The following RSPH1 variants were observed in gnomAD, a reference collection of about 807,000 sequenced individuals.
RSPH1 encodes radial spoke head component 1.
Under a neutral mutation model 44.2 loss-of-function variants are expected in RSPH1, and 32 were observed. The ratio of observed to expected loss-of-function variants is 0.72; its 90% CI spans 0.55 to 0.97. The LOEUF (loss-of-function observed/expected upper bound fraction) is 0.97. Ranked by LOEUF, RSPH1 falls within the 50% of genes least tolerant of loss-of-function variation. The probability of loss-of-function intolerance (pLI) is 0.00; values close to 1 mark genes in which losing one functional copy is unlikely to be tolerated. For missense variants in RSPH1, 391 were observed against 398.7 expected (o/e 0.98, Z 0.16); for synonymous variants, 134 against 147.3 (o/e 0.91, Z 0.65).
intron 4 of RSPH1, chr21:42,486,037 G>A: frequency 1.7e-6 from 1 of 602,716 alleles, no homozygotes. Context: ...AGCCTCCTGT[G>A]TGTCAGCTGC....
intron 3 of RSPH1, among the ~76,000 whole-genome samples, chr21:42,490,842 T>C (rs2054228570): frequency 9.8e-6 from 1 of 102,190 alleles, no homozygotes; most frequent in East Asian, 2.8e-4. Context: ...GGATAGAACC[T>C]CCAGCCCCAC....
rs566512676 is a variant in RSPH1 at position 42,474,011 on chromosome 21, A to C, written c.878-1141T>G. 6.6e-6 allele frequency among the ~76,000 whole-genome samples: 1 copy of C among 152,212 alleles called. No individual in the cohort carries two copies. Among genetic ancestry groups the C allele is most frequent in the African/African-American group, 2.4e-5 (1 of 41,536 alleles). ...TACTGGGCATCGTCCACTCGGCCCC[A>C]TCTCTCCCAGTCCGGTTTTCAGGAT... On this transcript the variant is annotated intron_variant, in intron 8 of 8. Transcript: ENST00000291536. This position sits in a 1 kb window ranked among gnomAD's most constrained non-coding sequence, Gnocchi z 5.2.
chr21:42,483,858 T>C (rs1022963131), intron 5 of RSPH1, among the ~76,000 whole-genome samples: 1 of 152,186 alleles, frequency 6.6e-6, no homozygotes, highest in Non-Finnish European at 1.5e-5. Context: ...TCCTCCCAAA[T>C]AATTGTCAAG....
intron 3 of RSPH1, among the ~76,000 whole-genome samples, 195 bp from the exon 4 acceptor site, chr21:42,486,656 T>C (rs1334550722): frequency 1.3e-5 from 2 of 152,202 alleles, no homozygotes; most frequent in Non-Finnish European, 2.9e-5. Flanking sequence ...GGCTGCTATC[T>C]GTTTCCACTC....
At chr21:42,488,545 G>A (rs2146658444) in intron 3 of RSPH1, among the ~76,000 whole-genome samples, 1 of 152,294 alleles carries the variant, frequency 6.6e-6, no homozygotes, top group African/African-American at 2.4e-5. Flanking sequence ...CATGTCAGAG[G>A]ATCTCCAGGG....
chr21:42,493,447 C>T (rs956438639), intron 1 of RSPH1, among the ~76,000 whole-genome samples: 6 of 152,172 alleles, frequency 3.9e-5, no homozygotes, highest in African/African-American at 7.2e-5. Context: ...ATAGTACATG[C>T]GGGTAGAACA....
intron 3 of RSPH1, 46 bp downstream of exon 3, chr21:42,492,712 G>T: frequency 8.5e-7 from 1 of 1,172,092 alleles, no homozygotes; most frequent in Non-Finnish European, 1.3e-6. Flanking sequence ...CATAAAGAAA[G>T]AAAAACTTCT....
chr21:42,495,230 T>TG (rs1275023997), intron 1 of RSPH1, among the ~76,000 whole-genome samples: 1 of 152,180 alleles, frequency 6.6e-6, no homozygotes, highest in African/African-American at 2.4e-5. Flanking sequence ...CTCTCCATAC[T>TG]GGGCAGGTAG....
At chr21:42,483,592 A>C (rs1232593773) in intron 5 of RSPH1, among the ~76,000 whole-genome samples, 1 of 152,056 alleles carries the variant, frequency 6.6e-6, no homozygotes, top group Admixed American at 6.6e-5. Flanking sequence ...TTATATATTA[A>C]ATGTTGCAAA....
At chr21:42,478,442 G>A (rs145461111) in intron 6 of RSPH1, among the ~76,000 whole-genome samples, 1 of 152,344 alleles carries the variant, frequency 6.6e-6, no homozygotes, top group African/African-American at 2.4e-5. Context: ...CAGATTGCTA[G>A]CCCCACCCCC....
chr21:42,486,518 A>AC, intron 3 of RSPH1, 57 bp from the exon 4 acceptor site: 5 of 1,232,932 alleles, frequency 4.1e-6, no homozygotes, highest in Non-Finnish European at 6.0e-6. Flanking sequence ...GATGCCCTGT[A>AC]CCATGTCTTC....
chr21:42,479,457 A>C lies in RSPH1; in HGVS notation c.574-2013T>G, dbSNP rs2054103931. Among the ~76,000 whole-genome samples, 2 of 152,184 alleles carry C rather than the reference A, an allele frequency of 1.3e-5. 1 individual carries two copies. Among genetic ancestry groups the C allele is most frequent in the South Asian group, 4.1e-4 (2 of 4,828 alleles). On this transcript the variant is annotated intron_variant, in intron 6 of 8. Transcript: ENST00000291536. The stretch of plus-strand genomic sequence containing the variant: ...ATACTGACTTCTAGGAACTTTTTCC[A>C]GTAGAGTCTAAAGCTGCAAAGCACT...
intron 1 of RSPH1, among the ~76,000 whole-genome samples, chr21:42,493,384 T>C (rs1428167631): frequency 2.6e-5 from 4 of 152,234 alleles, no homozygotes; most frequent in Non-Finnish European, 5.9e-5. Flanking sequence ...TTAACCAATT[T>C]GTGAAAAATG....
chr21:42,486,426 C>T lies in RSPH1; in HGVS notation c.310G>A (p.Val104Ile), dbSNP rs373683028. ...WANDLRHGHG[V>I]YYYINNDTYT... Reference sequence around the variant, plus strand: ...GTGTCATTATTGATGTAGTAGTATACGCCATGGCCGTGCCGCAGGTCATTT... The same window carrying T: ...GTGTCATTATTGATGTAGTAGTATATGCCATGGCCGTGCCGCAGGTCATTT... The change falls in exon 4 of 9, where the codon GTA (valine) becomes ATA (isoleucine). Residue 104 changes from valine to isoleucine, a missense_variant. Coordinates refer to ENST00000291536, the MANE Select transcript of RSPH1 (RefSeq NM_080860.4). The T allele has an allele frequency of 4.5e-5, 72 of 1,613,962 alleles. No homozygotes were observed. The highest frequency in any genetic ancestry group is 3.6e-4 in the East Asian group (16 of 44,880).
In RSPH1 at chr21:42,482,627, C is replaced by T. The variant is rs907937418; in HGVS notation, c.573+10G>A. On this transcript the variant is annotated intron_variant, in intron 6 of 8. Coordinates refer to ENST00000291536, the MANE Select transcript of RSPH1 (RefSeq NM_080860.4). Reference sequence around the variant, plus strand: ...TAATGTAACAAAACCCTACATGCTCCGCAACTTACCATATCTGTTAAACGA... The same window carrying T: ...TAATGTAACAAAACCCTACATGCTCTGCAACTTACCATATCTGTTAAACGA... 41 of 1,602,272 alleles carry T rather than the reference C, an allele frequency of 2.6e-5. 1 individual carries two copies. Among genetic ancestry groups the T allele is most frequent in the African/African-American group, 5.4e-5 (4 of 74,678 alleles).
intron 8 of RSPH1, among the ~76,000 whole-genome samples, chr21:42,475,373 T>C (rs2054034909): frequency 6.6e-6 from 1 of 151,730 alleles, no homozygotes; most frequent in Admixed American, 6.6e-5. Context: ...TTGAGACCAG[T>C]CTGTCCAACA....
Position 42,476,552 on chromosome 21 carries a change from C to G in RSPH1, c.728-505G>C, listed in dbSNP as rs577702436. Among the ~76,000 whole-genome samples the G allele has an allele frequency of 2.6e-5, 4 of 152,276 alleles. No individual in the cohort carries two copies. The South Asian group carries it at 8.3e-4, about 32-fold the overall frequency. On this transcript the variant is annotated intron_variant, in intron 7 of 8. Transcript: ENST00000291536. ...CCGGGGTAGCCACCTTCAACTTTCC[C>G]CAGCACATTAAGGACTTCCAGAAAG...
In RSPH1 at chr21:42,474,647, A is replaced by C. The variant is rs1331861288; in HGVS notation, c.877+1251T>G. ...GTGGACTCCCTACCTACCAGGGCTC[A>C]CTCTATCCACCCTCCCTGTGCAAGT... On this transcript the variant is annotated intron_variant, in intron 8 of 8. Coordinates refer to ENST00000291536, the MANE Select transcript of RSPH1 (RefSeq NM_080860.4). The surrounding 1 kb of genome is among the most constrained non-coding windows in gnomAD (Gnocchi z 5.2). Among the ~76,000 whole-genome samples, 2 of 152,106 alleles carry C rather than the reference A, an allele frequency of 1.3e-5. No individual in the cohort carries two copies. Among genetic ancestry groups the C allele is most frequent in the African/African-American group, 4.8e-5 (2 of 41,424 alleles).
intron 6 of RSPH1, among the ~76,000 whole-genome samples, chr21:42,480,651 A>AC (rs1402279842): frequency 6.6e-6 from 1 of 151,328 alleles, no homozygotes; most frequent in Non-Finnish European, 1.5e-5. Context: ...AAAAAAAAAA[A>AC]AAAAAAAAAA....
Sources: allele counts gnomAD v4.1 joint callset (sites outside exome capture counted in the v4.1 genomes callset), GRCh38; gene constraint gnomAD v4.1.1; non-coding constraint Gnocchi (gnomAD v3.1); transcripts MANE v1.5; gene names NCBI Gene and HGNC (gene_info 2026-07-23, HGNC 2026-07-21).